Variants in SPECC1 observed in about 807,000 individuals in gnomAD.
The protein encoded by SPECC1 is cytospin-B.
In SPECC1, 62 loss-of-function variants were observed where a neutral mutation model predicts 104.1. The ratio of observed to expected loss-of-function variants is 0.60; its 90% confidence interval spans 0.49 to 0.74. The LOEUF is 0.74. SPECC1 is among the 30% of genes least tolerant of loss of function. The pLI, the probability that SPECC1 is intolerant of heterozygous loss-of-function variation, is 0.00. For missense variants in SPECC1, 1,306 were observed against 1,310.5 expected (o/e 1.00, Z 0.05); for synonymous variants, 513 against 501.6 (o/e 1.02, Z -0.30).
chr17:20,145,714 G>T (rs1418645060), intron 3 of SPECC1, among the ~76,000 whole-genome samples: 1 of 152,212 alleles, frequency 6.6e-6, no homozygotes, highest in East Asian at 1.9e-4. Context: ...AACGTAGGCT[G>T]TGCATGAAGG....
At chr17:20,063,968 G>A (rs62067488) in intron 1 of SPECC1, among the ~76,000 whole-genome samples, 43,991 of 152,114 alleles carry the variant, frequency 0.29, 6,873 homozygotes, top group Middle Eastern at 0.43. Context: ...AGGGCAGTTC[G>A]GTTTTTCAGT....
rs1438108530 is a variant in SPECC1 at position 20,315,227 on chromosome 17, C to T, written c.*1162C>T. ...GACTGATTTGGCCTTTAGTGCTTCC[C>T]CAGGCCTCTTTCATCGGCATGGGAA... is the stretch of plus-strand genomic sequence containing the variant. On this transcript the variant is annotated 3_prime_UTR_variant, in exon 15 of 15. Transcript: ENST00000395527. The T allele has an allele frequency of 4.3e-6, 1 of 232,686 alleles. No individual in the cohort carries two copies. Among genetic ancestry groups the T allele is most frequent in the Non-Finnish European group, 8.5e-6 (1 of 117,764 alleles). 14.4% of individuals were successfully genotyped at this position (232,686 alleles called of 1,614,324 possible). A position where few individuals can be genotyped will look rare whatever the true frequency, so the allele number is the denominator to read the frequency against.
intron 9 of SPECC1, among the ~76,000 whole-genome samples, chr17:20,249,537 T>G (rs1312443453): frequency 1.3e-5 from 2 of 152,180 alleles, no homozygotes; most frequent in African/African-American, 4.8e-5. Flanking sequence ...ATTGATATTA[T>G]TAGACATAGA....
chr17:20,192,439 A>C (rs1258240784), intron 3 of SPECC1, among the ~76,000 whole-genome samples: 55 of 152,314 alleles, frequency 3.6e-4, no homozygotes, highest in Non-Finnish European at 4.4e-5. Flanking sequence ...CTCTTATGAT[A>C]GATGAGGATT....
At chr17:20,021,674 TAATATAATA>T (rs1233608637) in intron 1 of SPECC1, among the ~76,000 whole-genome samples, 8,723 of 141,410 alleles carry the variant, frequency 0.062, 769 homozygotes, top group African/African-American at 0.2. Context: ...TATATATATA[TAATATAATA>T]ATATATATAT....
At position 20,046,446 on chromosome 17, in the gene SPECC1, C is replaced by T. The variant is rs555547632; in HGVS notation, c.-22+37022C>T. 1.2e-4 allele frequency among the ~76,000 whole-genome samples: 19 copies of T among 152,250 alleles called. No homozygotes were observed. The South Asian group carries it at 2.1e-3, about 17-fold the overall frequency. On this transcript the variant is annotated intron_variant, in intron 1 of 14. Coordinates refer to ENST00000395527, the MANE Select transcript of SPECC1 (RefSeq NM_001243439.2). ...CATTGATAACATTGAATACTCTGAA[C>T]TATGCCCTGTTCTATGTCCTAGGGA...
chr17:20,025,749 C>T (rs1234314656), intron 1 of SPECC1, among the ~76,000 whole-genome samples: 9 of 152,268 alleles, frequency 5.9e-5, no homozygotes, highest in African/African-American at 1.4e-4. Flanking sequence ...CTGGGTCATA[C>T]GGTAACTCTG....
At chr17:20,285,506 T>A (rs2040913191) in intron 12 of SPECC1, among the ~76,000 whole-genome samples, 1 of 152,146 alleles carries the variant, frequency 6.6e-6, no homozygotes, top group East Asian at 1.9e-4. Flanking sequence ...AAGACTTTCA[T>A]CAAAAAGTTC....
chr17:20,057,227 G>A (rs1292596867), intron 1 of SPECC1, among the ~76,000 whole-genome samples: 6 of 152,116 alleles, frequency 3.9e-5, no homozygotes, highest in Admixed American at 2.0e-4. Flanking sequence ...GGATCACGAG[G>A]TCAGGAGATC....
chr17:20,156,438 G>C (rs2032537809), intron 3 of SPECC1, among the ~76,000 whole-genome samples: 1 of 152,192 alleles, frequency 6.6e-6, no homozygotes, highest in Non-Finnish European at 1.5e-5. Context: ...AACGCTGCTC[G>C]TCCTGAACGC....
intron 14 of SPECC1, among the ~76,000 whole-genome samples, chr17:20,309,929 TGCCTCA>T (rs2041883347): frequency 6.6e-6 from 1 of 151,338 alleles, no homozygotes; most frequent in African/African-American, 2.4e-5. Flanking sequence ...GCAATTCTTC[TGCCTCA>T]GCCTCCTGAG....
intron 9 of SPECC1, among the ~76,000 whole-genome samples, chr17:20,250,380 A>G (rs1007897027): frequency 2.0e-5 from 3 of 152,246 alleles, no homozygotes; most frequent in African/African-American, 7.2e-5. Context: ...ATCTGACAAG[A>G]AAAGCTAATG....
intron 7 of SPECC1, among the ~76,000 whole-genome samples, chr17:20,240,736 C>G (rs2039165187): frequency 6.6e-6 from 1 of 152,202 alleles, no homozygotes; most frequent in Non-Finnish European, 1.5e-5. Flanking sequence ...CCATTTCTTT[C>G]TCTTTTGAGT....
At chr17:20,292,470 A>G (rs1331345512) in intron 12 of SPECC1, among the ~76,000 whole-genome samples, 1 of 152,104 alleles carries the variant, frequency 6.6e-6, no homozygotes. Flanking sequence ...AGCGGGGATT[A>G]CAGGTACCAG....
chr17:20,262,063 T>A (rs970073895), intron 12 of SPECC1, among the ~76,000 whole-genome samples: 2 of 152,252 alleles, frequency 1.3e-5, no homozygotes, highest in African/African-American at 4.8e-5. Context: ...AATAAAAAAC[T>A]ATGTAATATT....
chr17:20,289,407 TTC>T (rs1222826486), intron 12 of SPECC1, among the ~76,000 whole-genome samples: 24 of 152,120 alleles, frequency 1.6e-4, no homozygotes, highest in Admixed American at 1.6e-3. Context: ...GTTCAAGTGA[TTC>T]TCCTGCCTCA....
intron 12 of SPECC1, among the ~76,000 whole-genome samples, chr17:20,285,111 T>G (rs958478070): frequency 6.6e-6 from 1 of 152,124 alleles, no homozygotes; most frequent in Non-Finnish European, 1.5e-5. Flanking sequence ...GTGATTGATG[T>G]TTTTTACCAA....
intron 4 of SPECC1, among the ~76,000 whole-genome samples, chr17:20,210,835 C>T (rs1000333927): frequency 1.3e-5 from 2 of 152,098 alleles, no homozygotes; most frequent in South Asian, 2.1e-4. Flanking sequence ...CAGCCATATT[C>T]CCACCCCTCC....
At chr17:20,209,610 T>A (rs1358011579) in intron 4 of SPECC1, among the ~76,000 whole-genome samples, 1 of 152,170 alleles carries the variant, frequency 6.6e-6, no homozygotes, top group African/African-American at 2.4e-5. Context: ...TTTCAACTTC[T>A]CTGATATACC....
Sources: allele counts gnomAD v4.1 joint callset (sites outside exome capture counted in the v4.1 genomes callset), GRCh38; gene constraint gnomAD v4.1.1; transcripts MANE v1.5; gene names NCBI Gene and HGNC (gene_info 2026-07-23, HGNC 2026-07-21).